The following STARD13 variants were observed in gnomAD, a reference collection of about 807,000 sequenced individuals.
STARD13 encodes stAR-related lipid transfer protein 13.
In STARD13, 62 loss-of-function variants were observed where a neutral mutation model predicts 106.4. That is an observed-to-expected ratio of 0.58 (90% CI 0.48 to 0.72). The LOEUF (loss-of-function observed/expected upper bound fraction) is 0.72, where lower values mean the gene tolerates loss of function less well. STARD13 is among the 30% of genes least tolerant of loss of function. The pLI, the probability that STARD13 is intolerant of heterozygous loss-of-function variation, is 0.00. For missense variants in STARD13, 1,387 were observed against 1,424.0 expected, an observed-to-expected ratio of 0.97 and a Z score of 0.42; for synonymous variants, 565 against 553.0, an observed-to-expected ratio of 1.02 and a Z score of -0.31.
chr13:33,627,178 A>G, the STARD13 span, among the ~76,000 whole-genome samples: 1 of 152,220 alleles, frequency 6.6e-6, no homozygotes, highest in African/African-American at 2.4e-5. Context: ...AATTAGTGAT[A>G]TTTTGAATGA....
In STARD13 at chr13:33,189,705, C is replaced by T. The variant is rs143725133; in HGVS notation, c.170-22083G>A. Reference sequence around the variant, plus strand: ...CTATTTCGCTAATCAGAAACTTCAACGCCTTTCTCAATTTCATCTAAGTAC... The same window carrying T: ...CTATTTCGCTAATCAGAAACTTCAATGCCTTTCTCAATTTCATCTAAGTAC... On this transcript the variant is annotated intron_variant, in intron 1 of 13. Transcript: ENST00000336934. Among the ~76,000 whole-genome samples, 389 of 151,864 alleles carry T rather than the reference C, an allele frequency of 2.6e-3. 1 individual carries two copies. The highest frequency in any genetic ancestry group is 9.0e-3 in the African/African-American group (375 of 41,442).
chr13:33,671,279 C>A, the STARD13 span, among the ~76,000 whole-genome samples: 1 of 152,102 alleles, frequency 6.6e-6, no homozygotes, highest in Non-Finnish European at 1.5e-5. Context: ...TGATAGTTTC[C>A]AATTACCATA....
the STARD13 span, among the ~76,000 whole-genome samples, chr13:33,393,072 T>C: frequency 3.0e-3 from 452 of 152,350 alleles, 2 homozygotes; most frequent in African/African-American, 0.011. Context: ...GAACTCCAGA[T>C]TTAAATGCTG....
intron 11 of STARD13, 71 bp downstream of exon 11, chr13:33,110,615 A>G: frequency 3.0e-6 from 4 of 1,341,706 alleles, no homozygotes; most frequent in South Asian, 1.2e-5. Flanking sequence ...GCTGTTTTCA[A>G]TGCAAAAACA....
chr13:33,123,345 G>A (rs562426002), intron 7 of STARD13, among the ~76,000 whole-genome samples: 5 of 152,162 alleles, frequency 3.3e-5, no homozygotes, highest in South Asian at 4.1e-4. Context: ...AATCTTTTTC[G>A]GGACTTAATG....
chr13:33,438,157 A>C, the STARD13 span, among the ~76,000 whole-genome samples: 1 of 152,222 alleles, frequency 6.6e-6, no homozygotes, highest in African/African-American at 2.4e-5. Flanking sequence ...TGCTATAATA[A>C]GTTGGATATA....
the STARD13 span, among the ~76,000 whole-genome samples, chr13:33,522,720 G>C: frequency 2.0e-5 from 3 of 152,096 alleles, no homozygotes; most frequent in Non-Finnish European, 4.4e-5. Flanking sequence ...CTTGTGTATT[G>C]GTAGTGACAG....
the STARD13 span, among the ~76,000 whole-genome samples, chr13:33,494,301 C>A: frequency 6.6e-6 from 1 of 152,136 alleles, no homozygotes; most frequent in Admixed American, 6.6e-5. Context: ...CATTAATAAG[C>A]ACACTACACA....
intron 1 of STARD13, among the ~76,000 whole-genome samples, chr13:33,326,085 T>C (rs1372163282): frequency 6.7e-6 from 1 of 150,216 alleles, no homozygotes; most frequent in African/African-American, 2.4e-5. Context: ...CCCATCTCCC[T>C]CTCTCTCTCC....
At chr13:33,153,536 C>T (rs1881568802) in intron 3 of STARD13, among the ~76,000 whole-genome samples, 3 of 152,074 alleles carry the variant, frequency 2.0e-5, no homozygotes, top group African/African-American at 7.2e-5. Context: ...TGGGAGGTGC[C>T]CGGGCCCAGA....
chr13:33,604,778 G>A, the STARD13 span, among the ~76,000 whole-genome samples: 3 of 150,830 alleles, frequency 2.0e-5, no homozygotes, highest in South Asian at 2.1e-4. Context: ...CAGCCCGAGG[G>A]ACAGAGCAAG....
chr13:33,152,640 C>T (rs1192712878), intron 3 of STARD13, among the ~76,000 whole-genome samples: 1 of 152,170 alleles, frequency 6.6e-6, no homozygotes, highest in Non-Finnish European at 1.5e-5. Flanking sequence ...CCTACTCATC[C>T]CCTACCCACC....
intron 1 of STARD13, among the ~76,000 whole-genome samples, chr13:33,201,048 C>T (rs7328219): frequency 2.0e-4 from 19 of 96,032 alleles, no homozygotes; most frequent in African/African-American, 6.7e-4. Context: ...TAAAAATAAA[C>T]AAATAAATAA....
the STARD13 span, among the ~76,000 whole-genome samples, chr13:33,570,940 G>C: frequency 1.3e-5 from 2 of 152,152 alleles, no homozygotes; most frequent in Admixed American, 1.3e-4. Context: ...GATATGGCTT[G>C]AGGGAGGAAA....
chr13:33,499,580 TTCTTC>T, the STARD13 span, among the ~76,000 whole-genome samples: 1 of 70,030 alleles, frequency 1.4e-5, no homozygotes, highest in South Asian at 5.7e-4. Context: ...CTTCTTCTTC[TTCTTC>T]TTCTTCTTCT....
the STARD13 span, among the ~76,000 whole-genome samples, chr13:33,399,700 C>CAAAAAAAAAAAAAAA: frequency 3.7e-5 from 1 of 26,946 alleles, no homozygotes; most frequent in Non-Finnish European, 9.0e-5. Flanking sequence ...GACTCTGTCT[C>CAAAAAAAAAAAAAAA]AAAAAAAAAA....
At chr13:33,413,416 C>T in the STARD13 span, among the ~76,000 whole-genome samples, 1 of 151,746 alleles carries the variant, frequency 6.6e-6, no homozygotes, top group South Asian at 2.1e-4. Context: ...AAGACGAGAG[C>T]AGAAGTTGAT....
chr13:33,650,364 G>A, the STARD13 span, among the ~76,000 whole-genome samples: 1 of 149,802 alleles, frequency 6.7e-6, no homozygotes. Context: ...CTAATTTTTT[G>A]TATTTTTAGT....
At chr13:33,475,343 A>G in the STARD13 span, among the ~76,000 whole-genome samples, 1 of 152,144 alleles carries the variant, frequency 6.6e-6, no homozygotes, top group Non-Finnish European at 1.5e-5. Context: ...ATTTCTACTT[A>G]TATATATTTA....
Sources: allele counts gnomAD v4.1 joint callset (sites outside exome capture counted in the v4.1 genomes callset), GRCh38; gene constraint gnomAD v4.1.1; transcripts MANE v1.5; gene names NCBI Gene and HGNC (gene_info 2026-07-23, HGNC 2026-07-21).